IGDCC4: variants seen among roughly 807,000 people sequenced by gnomAD.
IGDCC4 encodes the protein immunoglobulin superfamily DCC subclass member 4.
A neutral mutation model predicts 116.6 loss-of-function variants in IGDCC4; 72 were observed. The observed-to-expected ratio is 0.62, with a 90% CI of 0.51 to 0.75. The LOEUF (loss-of-function observed/expected upper bound fraction) is 0.75. IGDCC4 is among the 30% of genes least tolerant of loss of function. The pLI, the probability that IGDCC4 is intolerant of heterozygous loss-of-function variation, is 0.00. For missense variants in IGDCC4, 1,501 were observed against 1,662.4 expected (o/e 0.90, Z 1.69); for synonymous variants, 709 against 719.9 (o/e 0.98, Z 0.24).
Position 65,385,050 on chromosome 15 carries a change from C to A in IGDCC4, c.3246G>T (p.Gln1082His). 1 of 1,603,752 alleles carries A rather than the reference C, an allele frequency of 6.2e-7. No individual in the cohort carries two copies. Among genetic ancestry groups the A allele is most frequent in the African/African-American group, 1.3e-5 (1 of 74,240 alleles). ...AGSWAGCELP[Q>H]AGPRPALTRA... ...GGGTCAGAGCCGGCCGGGGGCCTGC[C>A]TGGGGCAGCTCACAGCCTGCCCAGG... The change falls in exon 19 of 20, where the codon CAG (glutamine) becomes CAT (histidine). Residue 1082 changes from glutamine (Q) to histidine (H), a missense_variant. Physicochemically the swap from Gln to His is conservative, Grantham distance 24 (BLOSUM62 0). This residue lies in a region of IGDCC4 where 368 missense variants were observed against 355.6 expected (regional missense o/e 1.03). Transcript: ENST00000352385.
At chr15:65,404,150 A>T (rs1477220513) in intron 3 of IGDCC4, among the ~76,000 whole-genome samples, 2 of 152,094 alleles carry the variant, frequency 1.3e-5, no homozygotes, top group Admixed American at 6.5e-5. Context: ...GCTGGGGAGG[A>T]AGAATGTTCT....
intron 5 of IGDCC4, 113 bp downstream of exon 5, chr15:65,400,693 C>G: frequency 7.4e-7 from 1 of 1,354,734 alleles, no homozygotes; most frequent in Non-Finnish European, 1.0e-6. Flanking sequence ...CGTGCCACAC[C>G]AGAAGGTTCG....
intron 5 of IGDCC4, among the ~76,000 whole-genome samples, chr15:65,398,390 C>T (rs999029594): frequency 2.6e-5 from 4 of 151,608 alleles, no homozygotes; most frequent in East Asian, 3.9e-4. Context: ...AAAAATTAGC[C>T]GAGTGTGGTG....
Position 65,394,547 on chromosome 15 carries a change from G to A in IGDCC4, c.1578C>T (p.Val526=), listed in dbSNP as rs201579916. ...GGGAGAGCTGGGGTGCTGCACTGGG[G>A]ACTGAGACAGAAGAACATCAGCATG... The part of the protein sequence containing the change: ...TPALVHTLDD[V]PSAAPQLSLS... Residue 526 remains valine (V), a splice_region_variant and synonymous_variant, in exon 9 of 20, where the codon GTC becomes GTT. Coordinates refer to ENST00000352385, the MANE Select transcript of IGDCC4 (RefSeq NM_020962.3). The A allele has an allele frequency of 8.1e-6, 13 of 1,596,528 alleles. No homozygotes were observed. The highest frequency in any genetic ancestry group is 1.7e-4 in the Middle Eastern group (1 of 5,954).
rs180921357 is a variant in IGDCC4 at position 65,403,572 on chromosome 15, G to A, written c.564-1085C>T. On this transcript the variant is annotated intron_variant, in intron 3 of 19. Transcript: ENST00000352385. ...AGGTCACAACCTCCATTTTACTGGT[G>A]AAAAATAGGAGGGTATTTTCCCAGG... Among the ~76,000 whole-genome samples, 385 of 152,238 alleles carry A rather than the reference G, an allele frequency of 2.5e-3. 1 individual carries two copies. The highest frequency in any genetic ancestry group is 8.6e-3 in the African/African-American group (357 of 41,550).
chr15:65,412,449 T>C (rs2063103807), intron 1 of IGDCC4, among the ~76,000 whole-genome samples: 2 of 136,742 alleles, frequency 1.5e-5, no homozygotes, highest in South Asian at 2.3e-4. Flanking sequence ...GAGGTGGAGA[T>C]TGCAGTGAGC....
intron 5 of IGDCC4, among the ~76,000 whole-genome samples, chr15:65,397,256 G>T (rs1018664596): frequency 5.3e-5 from 8 of 152,154 alleles, no homozygotes; most frequent in African/African-American, 1.9e-4. Context: ...AATCATAGGT[G>T]CTCAGCACAC....
In IGDCC4 at chr15:65,411,114, A is replaced by G. The variant is rs1439437026; in HGVS notation, c.327T>C (p.Pro109=). 1.9e-6 allele frequency: 3 copies of G among 1,614,176 alleles called. No homozygotes were observed. Among genetic ancestry groups the G allele is most frequent in the East Asian group, 2.2e-5 (1 of 44,882 alleles). The change falls in exon 2 of 20, where the codon CCT becomes CCC. Residue 109 remains proline (P), a synonymous_variant. Coordinates refer to ENST00000352385, the MANE Select transcript of IGDCC4 (RefSeq NM_020962.3). ...TGCCTTCAATGACCCCCACAGCCTCAGGGACTGACTCGTCACTGCCATTGG... is the reference window on the plus strand; with the variant it reads ...TGCCTTCAATGACCCCCACAGCCTCGGGGACTGACTCGTCACTGCCATTGG... The part of the protein sequence containing the change: ...LAPNGSDESV[P]EAVGVIEGNY...
At chr15:65,390,065 C>T in intron 13 of IGDCC4, 90 bp downstream of exon 13, 1 of 1,203,056 alleles carries the variant, frequency 8.3e-7, no homozygotes, top group Non-Finnish European at 1.2e-6. Context: ...CCCAGGGGCC[C>T]TTCCCTGATC....
chr15:65,388,327 C>G, intron 16 of IGDCC4, 122 bp downstream of exon 16: 1 of 1,330,490 alleles, frequency 7.5e-7, no homozygotes, highest in Non-Finnish European at 1.0e-6. Context: ...TTCCCCTTCA[C>G]ATTTGCTCTG....
At chr15:65,399,033 C>A (rs1056672261) in intron 5 of IGDCC4, among the ~76,000 whole-genome samples, 1 of 152,164 alleles carries the variant, frequency 6.6e-6, no homozygotes, top group Non-Finnish European at 1.5e-5. Context: ...GTGTCAGGAT[C>A]CTCCGGGACA....
At chr15:65,422,646 G>T (rs2063204021) in intron 1 of IGDCC4, 147 bp downstream of exon 1, 4 of 508,936 alleles carry the variant, frequency 7.9e-6, no homozygotes, top group African/African-American at 2.1e-5. Context: ...GCAGACCCCC[G>T]CGCAGGCATC....
chr15:65,414,469 G>T (rs912332635), intron 1 of IGDCC4, among the ~76,000 whole-genome samples: 1 of 152,210 alleles, frequency 6.6e-6, no homozygotes, highest in Non-Finnish European at 1.5e-5. Flanking sequence ...AGAAGATCAA[G>T]GTTTCAGTCT....
chr15:65,402,736 G>T (rs1229751137), intron 3 of IGDCC4, among the ~76,000 whole-genome samples: 1 of 152,134 alleles, frequency 6.6e-6, no homozygotes, highest in Non-Finnish European at 1.5e-5. Context: ...GCGTAGTGGT[G>T]CATGCCTGTA....
At chr15:65,402,965 G>A (rs970220884) in intron 3 of IGDCC4, among the ~76,000 whole-genome samples, 1 of 152,186 alleles carries the variant, frequency 6.6e-6, no homozygotes, top group Non-Finnish European at 1.5e-5. Flanking sequence ...GGGAATGGAG[G>A]AAGGCACTCC....
At chr15:65,389,537 C>T in intron 13 of IGDCC4, 126 bp from the exon 14 acceptor site, 3 of 1,363,800 alleles carry the variant, frequency 2.2e-6, no homozygotes, top group Non-Finnish European at 3.1e-6. Flanking sequence ...GAAGCTGCTC[C>T]CTGGCCTGGA....
Position 65,384,251 on chromosome 15 carries a change from C to A in IGDCC4, c.3511G>T (p.Gly1171Trp). 1.2e-6 allele frequency: 2 copies of A among 1,601,214 alleles called. No homozygotes were observed. The highest frequency in any genetic ancestry group is 1.7e-6 in the Non-Finnish European group (2 of 1,171,616). ...CAGGCTGCCCCCTGCCCTGGATCCC[C>A]AACACCCGAGATGAGATCAGGAGCC... The part of the protein sequence containing the change: ...PEAPDLISGV[G>W]DPGQGAAWLD... Residue 1171 changes from glycine to tryptophan, a missense_variant, in exon 20 of 20, where the codon GGG becomes TGG. Coordinates refer to ENST00000352385, the MANE Select transcript of IGDCC4 (RefSeq NM_020962.3). This position sits in a 1 kb window ranked among gnomAD's most constrained non-coding sequence, Gnocchi z 4.9.
rs577469266 is a variant in IGDCC4 at position 65,389,342 on chromosome 15, G to A, written c.2478C>T (p.His826=). 40 of 1,614,184 alleles carry A rather than the reference G, an allele frequency of 2.5e-5. 1 individual carries two copies. Among genetic ancestry groups the A allele is most frequent in the Admixed American group, 1.8e-4 (11 of 60,010 alleles). The stretch of plus-strand genomic sequence containing the variant: ...CGAAAGGCCCATCCATGTCCACGCC[G>A]TGAGACTGCACTGCAAACTCGTATT... ...FTKYEFAVQS[H]GVDMDGPFGS... is the part of the protein sequence containing the mutation. Residue 826 remains histidine, a synonymous_variant, in exon 14 of 20, where the codon CAC becomes CAT. Coordinates refer to ENST00000352385, the MANE Select transcript of IGDCC4 (RefSeq NM_020962.3).
intron 8 of IGDCC4, 77 bp downstream of exon 8, chr15:65,395,017 G>A: frequency 4.7e-6 from 7 of 1,483,478 alleles, no homozygotes; most frequent in Non-Finnish European, 6.4e-6. Context: ...CTTTACATTA[G>A]TAAAGAGAGG....
Sources: allele counts gnomAD v4.1 joint callset (sites outside exome capture counted in the v4.1 genomes callset), GRCh38; gene constraint gnomAD v4.1.1; regional missense constraint gnomAD v4.1.1; non-coding constraint Gnocchi (gnomAD v3.1); transcripts MANE v1.5; gene names NCBI Gene and HGNC (gene_info 2026-07-23, HGNC 2026-07-21).